The following ZNF106 variants were observed in gnomAD, a reference collection of about 807,000 sequenced individuals.
ZNF106 encodes the protein zinc finger protein 106.
In ZNF106, 67 loss-of-function variants were observed where a neutral mutation model predicts 195.1. The ratio of observed to expected loss-of-function variants is 0.34; its 90% CI spans 0.28 to 0.42. The LOEUF (loss-of-function observed/expected upper bound fraction) is 0.42. ZNF106 is among the 10% of genes least tolerant of loss of function. The probability of loss-of-function intolerance (pLI) is 1.00; values close to 1 mark genes in which losing one functional copy is unlikely to be tolerated. For synonymous variants in ZNF106, 784 were observed against 818.6 expected, an observed-to-expected ratio of 0.96 and a Z score of 0.72; for missense variants, 2,118 against 2,304.5, an observed-to-expected ratio of 0.92 and a Z score of 1.66.
At chr15:42,458,076 A>C (rs573761496) in intron 3 of ZNF106, among the ~76,000 whole-genome samples, 6 of 152,316 alleles carry the variant, frequency 3.9e-5, no homozygotes, top group African/African-American at 1.2e-4. Context: ...CATTTATGAG[A>C]AACATCTGAA....
chr15:42,482,818 C>T (rs1183335441), intron 1 of ZNF106, among the ~76,000 whole-genome samples: 2 of 152,070 alleles, frequency 1.3e-5, no homozygotes, highest in African/African-American at 4.8e-5. Flanking sequence ...CGTGAGCCAC[C>T]GCGCCCGGCA....
At chr15:42,487,695 C>A (rs948362758) in intron 1 of ZNF106, among the ~76,000 whole-genome samples, 1 of 151,970 alleles carries the variant, frequency 6.6e-6, no homozygotes, top group African/African-American at 2.4e-5. Context: ...GTATTAAATA[C>A]ATTCATAATG....
chr15:42,444,594 C>T (rs562522985), intron 8 of ZNF106, among the ~76,000 whole-genome samples: 3 of 119,618 alleles, frequency 2.5e-5, no homozygotes, highest in African/African-American at 1.2e-4. Context: ...GGGACTGCTG[C>T]AGCCTACTCT....
At chr15:42,474,770 G>GA (rs891115401) in intron 1 of ZNF106, among the ~76,000 whole-genome samples, 1 of 151,960 alleles carries the variant, frequency 6.6e-6, no homozygotes, top group African/African-American at 2.4e-5. Context: ...AAGAAAGAAA[G>GA]AAAATACCAG....
At chr15:42,432,978 C>T (rs1297553559) in intron 14 of ZNF106, among the ~76,000 whole-genome samples, 1 of 152,196 alleles carries the variant, frequency 6.6e-6, no homozygotes, top group African/African-American at 2.4e-5. Context: ...TGTCAGTTCA[C>T]TCACATTTCA....
chr15:42,485,166 C>CA (rs1030809422), intron 1 of ZNF106, among the ~76,000 whole-genome samples: 1 of 151,680 alleles, frequency 6.6e-6, no homozygotes, highest in African/African-American at 2.4e-5. Flanking sequence ...ACAACAACAA[C>CA]AAAAAAAATA....
intron 3 of ZNF106, among the ~76,000 whole-genome samples, chr15:42,459,836 C>T (rs2056345329): frequency 6.6e-6 from 1 of 151,780 alleles, no homozygotes; most frequent in Non-Finnish European, 1.5e-5. Flanking sequence ...GTCAGGAGTT[C>T]GAGACCAGGC....
In ZNF106 at chr15:42,449,899, T is replaced by C. The variant is rs1487296919; in HGVS notation, c.2373A>G (p.Thr791=). 2 of 1,614,216 alleles carry C rather than the reference T, an allele frequency of 1.2e-6. No homozygotes were observed. The highest frequency in any genetic ancestry group is 1.7e-5 in the Admixed American group (1 of 60,024). ...RNISGHRKSE[T]EKESGLKPTL... is the part of the protein sequence containing the mutation. ...TTGGCTTGAGCCCAGACTCCTTCTC[T>C]GTCTCACTCTTTCGGTGACCGCTAA... is the stretch of plus-strand genomic sequence containing the variant. The change falls in exon 5 of 22, where the codon ACA becomes ACG. Residue 791 remains threonine (T), a synonymous_variant. Coordinates refer to ENST00000564754, the MANE Select transcript of ZNF106 (RefSeq NM_001366845.3).
chr15:42,455,085 A>G (rs1214278848), intron 4 of ZNF106, among the ~76,000 whole-genome samples: 1 of 152,234 alleles, frequency 6.6e-6, no homozygotes, highest in African/African-American at 2.4e-5. Context: ...CAGAGGCTCC[A>G]ACTGCCTAAA....
intron 1 of ZNF106, among the ~76,000 whole-genome samples, chr15:42,483,666 C>T (rs2056953438): frequency 2.0e-5 from 3 of 152,172 alleles, no homozygotes; most frequent in African/African-American, 7.2e-5. Context: ...TTTAAAAGGT[C>T]TTACAAGGCC....
Position 42,448,470 on chromosome 15 carries a change from G to C in ZNF106, c.2737C>G (p.Gln913Glu). The change falls in exon 6 of 22, where the codon CAG becomes GAG. Residue 913 changes from glutamine to glutamate, a missense_variant. Physicochemically the swap from Gln to Glu is conservative, Grantham distance 29 (BLOSUM62 2). Transcript: ENST00000564754. ...EGTGKENEPQ[Q>E]MVSPSNSLRA... ...AATGAGTTACTAGGTGAAACCATCT[G>C]CTGGGGCTCATTTTCTTTGCCTGTA... 1 of 1,614,124 alleles carries C rather than the reference G, an allele frequency of 6.2e-7. No individual in the cohort carries two copies. Among genetic ancestry groups the C allele is most frequent in the Non-Finnish European group, 8.5e-7 (1 of 1,180,024 alleles).
intron 10 of ZNF106, among the ~76,000 whole-genome samples, chr15:42,441,501 C>T (rs1261773153): frequency 6.6e-6 from 1 of 152,162 alleles, no homozygotes; most frequent in Non-Finnish European, 1.5e-5. Flanking sequence ...TACAGCACCA[C>T]TGTGGTAATG....
At chr15:42,477,537 A>C (rs1049083383) in intron 1 of ZNF106, among the ~76,000 whole-genome samples, 2 of 152,234 alleles carry the variant, frequency 1.3e-5, no homozygotes, top group Non-Finnish European at 2.9e-5. Context: ...TGAAGCCAGG[A>C]ATTCAAGACT....
chr15:42,477,800 G>C (rs1036827231), intron 1 of ZNF106, among the ~76,000 whole-genome samples: 1 of 151,992 alleles, frequency 6.6e-6, no homozygotes, highest in Non-Finnish European at 1.5e-5. Context: ...TGAGGCAGGA[G>C]AGTCACTTGA....
At chr15:42,458,218 C>T (rs916296994) in intron 3 of ZNF106, among the ~76,000 whole-genome samples, 2 of 151,970 alleles carry the variant, frequency 1.3e-5, no homozygotes, top group Non-Finnish European at 2.9e-5. Context: ...AAACCAACAA[C>T]CCAAAAGGAC....
intron 3 of ZNF106, among the ~76,000 whole-genome samples, chr15:42,460,493 T>G (rs1293175497): frequency 6.6e-6 from 1 of 152,192 alleles, no homozygotes; most frequent in Non-Finnish European, 1.5e-5. Context: ...AGAAAGAATA[T>G]AACCATAGTT....
At chr15:42,444,759 G>T (rs569062300) in intron 8 of ZNF106, 68 bp downstream of exon 8, 31 of 1,583,444 alleles carry the variant, frequency 2.0e-5, no homozygotes, top group Non-Finnish European at 2.7e-5. Flanking sequence ...CTCCAGACAT[G>T]GGTTTGGCAG....
rs1334849387 is a variant in ZNF106 at position 42,448,589 on chromosome 15, G to A, written c.2618C>T (p.Ser873Leu). ...TCGCTTTCTTGCCAAGCCAGGGGAC[G>A]AGGAAATGGAAACACCTTCCCACTG... ...GFQWEGVSIS[S>L]SPGLARKRSL... The change falls in exon 6 of 22, where the codon TCG becomes TTG. Residue 873 changes from serine to leucine, a missense_variant. By Grantham distance (145) the Ser-to-Leu change is moderately radical. Transcript: ENST00000564754. 9 of 1,614,088 alleles carry A rather than the reference G, an allele frequency of 5.6e-6. No individual in the cohort carries two copies. The highest frequency in any genetic ancestry group is 4.5e-5 in the East Asian group (2 of 44,872).
Position 42,442,159 on chromosome 15 carries a change from G to A in ZNF106, c.3677C>T (p.Pro1226Leu), listed in dbSNP as rs879234205. 13 of 1,614,166 alleles carry A rather than the reference G, an allele frequency of 8.1e-6. No homozygotes were observed. The highest frequency in any genetic ancestry group is 1.0e-5 in the Non-Finnish European group (12 of 1,180,032). ...PDSSVQIKQE[P>L]MSPEQDENVN... ...ATTCTCATCTTGTTCAGGAGACATG[G>A]GCTCTTGTTTAATCTGAACTGATGA... Residue 1226 changes from proline to leucine, a missense_variant, in exon 10 of 22, where the codon CCC (proline) becomes CTC (leucine). By Grantham distance (98) the Pro-to-Leu change is moderately conservative. Coordinates refer to ENST00000564754, the MANE Select transcript of ZNF106 (RefSeq NM_001366845.3).
Sources: allele counts gnomAD v4.1 joint callset (sites outside exome capture counted in the v4.1 genomes callset), GRCh38; gene constraint gnomAD v4.1.1; transcripts MANE v1.5; gene names NCBI Gene and HGNC (gene_info 2026-07-23, HGNC 2026-07-21).